Variants in MMP2 observed in about 807,000 individuals in gnomAD.
The protein encoded by MMP2 is 72 kDa type IV collagenase.
In MMP2, 39 loss-of-function variants were observed where a neutral mutation model predicts 74.8. That is an observed-to-expected ratio of 0.52 (90% CI 0.40 to 0.68). The LOEUF (loss-of-function observed/expected upper bound fraction) is 0.68. Among genes scored for constraint, MMP2 ranks in the 30% least tolerant of loss-of-function variants. The probability of loss-of-function intolerance (pLI) is 0.00; values close to 1 mark genes in which losing one functional copy is unlikely to be tolerated. For missense variants in MMP2, 803 were observed against 878.3 expected, an observed-to-expected ratio of 0.91 and a Z score of 1.08; for synonymous variants, 367 against 339.8, an observed-to-expected ratio of 1.08 and a Z score of -0.88.
Position 55,484,134 on chromosome 16 carries a change from G to A in MMP2, c.499G>A (p.Ala167Thr), listed in dbSNP as rs141565911. The change falls in exon 3 of 13, where the codon GCA (alanine) becomes ACA (threonine). Residue 167 changes from alanine to threonine, a missense_variant. Around this residue, in one of 3 missense-constraint regions of MMP2, gnomAD observed 223 missense variants for 232.8 expected, o/e 0.96. Coordinates refer to ENST00000219070, the MANE Select transcript of MMP2 (RefSeq NM_004530.6). The part of the protein sequence containing the change: ...LRFSRIHDGE[A>T]DIMINFGRWE... ...GTTTTCTCGAATCCATGATGGAGAG[G>A]CAGACATCATGATCAACTTTGGCCG... 178 of 1,614,082 alleles carry A rather than the reference G, an allele frequency of 1.1e-4. No homozygotes were observed. The highest frequency in any genetic ancestry group is 1.7e-4 in the African/African-American group (13 of 74,936).
chr16:55,493,931 T>C (rs547298765), intron 9 of MMP2, among the ~76,000 whole-genome samples: 1 of 152,186 alleles, frequency 6.6e-6, no homozygotes, highest in East Asian at 1.9e-4. Context: ...CACCACTCAG[T>C]TGACTAAAGA....
At chr16:55,489,256 AAGGGGGCTCACAGCTG>A (rs1247151985) in intron 6 of MMP2, among the ~76,000 whole-genome samples, 2 of 152,174 alleles carry the variant, frequency 1.3e-5, no homozygotes, top group Non-Finnish European at 2.9e-5. Flanking sequence ...AGCCCTGCCC[AAGGGGGCTCACAGCTG>A]AGGGGCATGT....
At chr16:55,503,176 G>A (rs1962713384) in intron 12 of MMP2, among the ~76,000 whole-genome samples, 1 of 152,242 alleles carries the variant, frequency 6.6e-6, no homozygotes, top group East Asian at 1.9e-4. Flanking sequence ...AGGAACATGG[G>A]CTCTGTGCCG....
rs374914455 is a variant in MMP2, at chr16:55,500,490, C to T, written c.1769+2042C>T. ...AGGAACATGATTGTGTGCGCATGTGCGCATACACACACACACACACACACA... is the reference window on the plus strand; with the variant it reads ...AGGAACATGATTGTGTGCGCATGTGTGCATACACACACACACACACACACA... On this transcript the variant is annotated intron_variant, in intron 11 of 12. Coordinates refer to ENST00000219070, the MANE Select transcript of MMP2 (RefSeq NM_004530.6). Among the ~76,000 whole-genome samples, 1,226 of 141,828 alleles carry T rather than the reference C, an allele frequency of 8.6e-3. 10 individuals carry two copies. Among genetic ancestry groups the T allele is most frequent in the Non-Finnish European group, 0.014 (887 of 65,472 alleles). The allele number at this position is 141,828 out of a possible 152,430, so 93.0% of individuals were successfully genotyped here. A position where few individuals can be genotyped will look rare whatever the true frequency, so the allele number is the denominator to read the frequency against.
chr16:55,492,631 C>G (rs2142360314), intron 8 of MMP2, among the ~76,000 whole-genome samples: 1 of 152,202 alleles, frequency 6.6e-6, no homozygotes, highest in East Asian at 1.9e-4. Context: ...AGCCCAAGGT[C>G]TGCCGTGAGG....
rs775286500 is a variant in MMP2, at chr16:55,491,971, G to A, written c.1336+15G>A. Reference sequence around the variant, plus strand: ...GGAGCTCTATGGTAAACCTCCGGGCGGGGGTTGGGGGTGGAGGGTGAGGAG... The same window carrying A: ...GGAGCTCTATGGTAAACCTCCGGGCAGGGGTTGGGGGTGGAGGGTGAGGAG... On this transcript the variant is annotated intron_variant, in intron 8 of 12. Coordinates refer to ENST00000219070, the MANE Select transcript of MMP2 (RefSeq NM_004530.6). 20 of 1,605,526 alleles carry A rather than the reference G, an allele frequency of 1.2e-5. No individual in the cohort carries two copies. The highest frequency in any genetic ancestry group is 6.7e-5 in the Admixed American group (4 of 59,750).
At chr16:55,486,152 A>G (rs564510320) in intron 5 of MMP2, among the ~76,000 whole-genome samples, 1 of 152,276 alleles carries the variant, frequency 6.6e-6, no homozygotes, top group South Asian at 2.1e-4. Context: ...ACTTCAGTCA[A>G]GATTGATACT....
intron 5 of MMP2, among the ~76,000 whole-genome samples, chr16:55,486,460 T>C (rs1288982664): frequency 6.6e-6 from 1 of 151,876 alleles, no homozygotes; most frequent in African/African-American, 2.4e-5. Flanking sequence ...CTAGCTTGTG[T>C]CTGCATCTCT....
At chr16:55,493,415 A>G in intron 9 of MMP2, 122 bp downstream of exon 9, 5 of 1,366,536 alleles carry the variant, frequency 3.7e-6, no homozygotes, top group Non-Finnish European at 5.2e-6. Context: ...GACCTGAATT[A>G]GGCAGTTTCT....
chr16:55,504,006 A>T (rs1962734157), intron 12 of MMP2, among the ~76,000 whole-genome samples: 1 of 152,136 alleles, frequency 6.6e-6, no homozygotes, highest in African/African-American at 2.4e-5. Context: ...ATTTTAAAAA[A>T]CATTAGCTAC....
intron 11 of MMP2, among the ~76,000 whole-genome samples, chr16:55,502,140 T>C (rs1251029669): frequency 6.6e-6 from 1 of 152,144 alleles, no homozygotes; most frequent in Non-Finnish European, 1.5e-5. Context: ...ACACGTACCT[T>C]CCACCTTGCA....
intron 2 of MMP2, 98 bp downstream of exon 2, chr16:55,483,233 T>C: frequency 2.1e-6 from 2 of 950,708 alleles, no homozygotes; most frequent in East Asian, 2.5e-5. Context: ...CCATGAGGTG[T>C]CTTTTGTGAA....
chr16:55,485,920 T>C (rs111278338), intron 5 of MMP2, 143 bp downstream of exon 5: 24 of 806,584 alleles, frequency 3.0e-5, no homozygotes, highest in Non-Finnish European at 4.7e-5. Context: ...CTTCACTCAG[T>C]TCCCCCCCAT....
At chr16:55,493,853 T>C (rs574528149) in intron 9 of MMP2, among the ~76,000 whole-genome samples, 125 of 152,326 alleles carry the variant, frequency 8.2e-4, no homozygotes, top group Admixed American at 2.7e-3. Flanking sequence ...GCCAAATTAC[T>C]CTGTGTATGG....
At chr16:55,498,847 A>T (rs243837) in intron 11 of MMP2, among the ~76,000 whole-genome samples, 56,529 of 152,032 alleles carry the variant, frequency 0.37, 10,467 homozygotes, top group South Asian at 0.44. Flanking sequence ...CCCATTTTAC[A>T]GATGAGGAAA....
At chr16:55,489,090 C>G (rs1478159223) in intron 6 of MMP2, among the ~76,000 whole-genome samples, 1 of 152,158 alleles carries the variant, frequency 6.6e-6, no homozygotes, top group Admixed American at 6.5e-5. Flanking sequence ...GTATCTCCAC[C>G]TTTTAGTCTG....
intron 10 of MMP2, among the ~76,000 whole-genome samples, 183 bp downstream of exon 10, chr16:55,497,245 T>G (rs1388535199): frequency 6.6e-6 from 1 of 152,234 alleles, no homozygotes; most frequent in African/African-American, 2.4e-5. Flanking sequence ...CTCTGGGAGA[T>G]TGGTTCCGAC....
intron 6 of MMP2, 121 bp downstream of exon 6, chr16:55,488,837 G>A: frequency 9.6e-7 from 1 of 1,039,594 alleles, no homozygotes. Context: ...AGACATCTGT[G>A]CGAATGACAT....
At position 55,483,106 on chromosome 16, in the gene MMP2, C is replaced by A. The variant is rs770921322; in HGVS notation, c.351C>A (p.Pro117=). 6.2e-7 allele frequency: 1 copy of A among 1,613,938 alleles called. No individual in the cohort carries two copies. The highest frequency in any genetic ancestry group is 1.3e-5 in the African/African-American group (1 of 74,884). The change falls in exon 2 of 13, where the codon CCC becomes CCA. Residue 117 remains proline (P), a synonymous_variant. Coordinates refer to ENST00000219070, the MANE Select transcript of MMP2 (RefSeq NM_004530.6). The part of the protein sequence containing the change: ...VANYNFFPRK[P]KWDKNQITYR... ...ACTACAACTTCTTCCCTCGCAAGCC[C>A]AAGTGGGACAAGAACCAGATCACAT...
Sources: allele counts gnomAD v4.1 joint callset (sites outside exome capture counted in the v4.1 genomes callset), GRCh38; gene constraint gnomAD v4.1.1; regional missense constraint gnomAD v4.1.1; transcripts MANE v1.5; gene names NCBI Gene and HGNC (gene_info 2026-07-23, HGNC 2026-07-21).